STAT1: variants seen among roughly 807,000 people sequenced by gnomAD.
STAT1 encodes signal transducer and activator of transcription 1-alpha/beta.
In STAT1, 24 loss-of-function variants were observed where a neutral mutation model predicts 111.7. The observed-to-expected ratio is 0.21, with a 90% confidence interval of 0.16 to 0.30. The LOEUF is 0.30. Ranked by LOEUF, STAT1 falls within the 10% of genes least tolerant of loss-of-function variation. STAT1 has a pLI of 1.00. For missense variants in STAT1, 351 were observed against 911.9 expected (o/e 0.38, Z 7.92); for synonymous variants, 332 against 326.5 (o/e 1.02, Z -0.18).
At position 191,013,556 on chromosome 2, in the gene STAT1, G is replaced by C. The variant is rs1279334374; in HGVS notation, c.-33C>G. 5.0e-6 allele frequency: 2 copies of C among 398,410 alleles called. No individual in the cohort carries two copies. Among genetic ancestry groups the C allele is most frequent in the African/African-American group, 4.1e-5 (2 of 48,626 alleles). 24.7% of individuals were successfully genotyped at this position (398,410 alleles called of 1,614,324 possible). On this transcript the variant is annotated 5_prime_UTR_variant, in exon 2 of 25. It adds an upstream start codon to the 5' untranslated region. Coordinates refer to ENST00000361099, the MANE Select transcript of STAT1 (RefSeq NM_007315.4). ...CCTTGTGCCCCAACAAGGGCCTGGG[G>C]ATTCAACCAAAGGAGCAGCTACGCA...
intron 24 of STAT1, among the ~76,000 whole-genome samples, chr2:190,972,297 T>C (rs1356783184): frequency 6.6e-6 from 1 of 152,252 alleles, no homozygotes; most frequent in African/African-American, 2.4e-5. Flanking sequence ...CCTATCATTA[T>C]GAGCTTTGGC....
Position 190,995,349 on chromosome 2 carries a change from T to C in STAT1, c.786-130A>G, listed in dbSNP as rs1459983664. On this transcript the variant is annotated intron_variant, in intron 9 of 24. Transcript: ENST00000361099. This position sits in a 1 kb window ranked among gnomAD's most constrained non-coding sequence, Gnocchi z 4.2. ...GACATACTCGAGACTGGAGAATTTA[T>C]AAAGGAAAGAGGTTTAATTGACACA... 3 of 983,844 alleles carry C rather than the reference T, an allele frequency of 3.0e-6. No homozygotes were observed. Among genetic ancestry groups the C allele is most frequent in the African/African-American group, 3.2e-5 (2 of 62,270 alleles). 60.9% of individuals were successfully genotyped at this position (983,844 alleles called of 1,614,324 possible).
Position 191,012,368 on chromosome 2 carries a change from A to G in STAT1, c.-2+1157T>C, listed in dbSNP as rs1489869860. Among the ~76,000 whole-genome samples the G allele has an allele frequency of 6.6e-6, 1 of 151,650 alleles. No individual in the cohort carries two copies. Among genetic ancestry groups the G allele is most frequent in the Non-Finnish European group, 1.5e-5 (1 of 67,936 alleles). On this transcript the variant is annotated intron_variant, in intron 2 of 24. Transcript: ENST00000361099. This position sits in a 1 kb window ranked among gnomAD's most constrained non-coding sequence, Gnocchi z 4.0. ...GAGGCGGAGGTTGCAGTGAGCTGAG[A>G]TCGCGCCACTGTACTCCAGCCTGGG...
At position 190,972,936 on chromosome 2, in the gene STAT1, C is replaced by T. The variant is rs572060200; in HGVS notation, c.2238+1894G>A. Reference sequence around the variant, plus strand: ...AATGGCTACAGCGAGTGTCCAAAGACCACAAAACTGTTTCCTGACATGTGC... The same window carrying T: ...AATGGCTACAGCGAGTGTCCAAAGATCACAAAACTGTTTCCTGACATGTGC... On this transcript the variant is annotated intron_variant, in intron 24 of 24. Transcript: ENST00000361099. Among the ~76,000 whole-genome samples the T allele has an allele frequency of 6.4e-4, 97 of 151,768 alleles. No individual in the cohort carries two copies. The South Asian group carries it at 0.02, about 31-fold the overall frequency.
intron 12 of STAT1, among the ~76,000 whole-genome samples, chr2:190,988,868 G>A (rs1693081435): frequency 7.2e-6 from 1 of 139,038 alleles, no homozygotes; most frequent in South Asian, 2.6e-4. Flanking sequence ...TGCCAAAACA[G>A]TATGTGACAC....
chr2:190,991,095 A>G, intron 11 of STAT1, 133 bp downstream of exon 11: 1 of 729,830 alleles, frequency 1.4e-6, no homozygotes, highest in Non-Finnish European at 2.5e-6. Flanking sequence ...ATTCTCAGTA[A>G]GAGTTCATAT....
chr2:190,985,704 C>A lies in STAT1; in HGVS notation c.1222-44G>T. The A allele has an allele frequency of 3.8e-6, 6 of 1,569,708 alleles. No individual in the cohort carries two copies. The South Asian group carries it at 6.7e-5, about 17-fold the overall frequency. Reference sequence around the variant, plus strand: ...TCTTAGTAAACACCATGGTAATGGTCAAAGTTGCTATCTTCATTTACAAAT... The same window carrying A: ...TCTTAGTAAACACCATGGTAATGGTAAAAGTTGCTATCTTCATTTACAAAT... On this transcript the variant is annotated intron_variant, in intron 14 of 24. Transcript: ENST00000361099.
intron 5 of STAT1, among the ~76,000 whole-genome samples, chr2:191,005,685 C>G (rs1694636828): frequency 6.6e-6 from 1 of 152,178 alleles, no homozygotes; most frequent in Non-Finnish European, 1.5e-5. Context: ...CAGAATGTAT[C>G]TGTGTCATTA....
chr2:190,975,622 T>G lies in STAT1; in HGVS notation c.2135+190A>C, dbSNP rs1691844903. ...TATACCTTAAATACAAATTTGGTTT[T>G]TGGCTTTTTTTTTTTTTTTAAAGTA... is the stretch of plus-strand genomic sequence containing the variant. On this transcript the variant is annotated intron_variant, in intron 23 of 24. Coordinates refer to ENST00000361099, the MANE Select transcript of STAT1 (RefSeq NM_007315.4). This position sits in a 1 kb window ranked among gnomAD's most constrained non-coding sequence, Gnocchi z 5.9. 4.8e-6 allele frequency: 7 copies of G among 1,448,296 alleles called. No individual in the cohort carries two copies. The highest frequency in any genetic ancestry group is 5.4e-6 in the Non-Finnish European group (6 of 1,107,156). The allele number at this position is 1,448,296 out of a possible 1,614,324, so 89.7% of individuals were successfully genotyped here. A position where few individuals can be genotyped will look rare whatever the true frequency, so the allele number is the denominator to read the frequency against.
rs745503798 is a variant in STAT1, at chr2:190,987,044, T to A, written c.1122A>T (p.Val374=). 2.5e-6 allele frequency: 4 copies of A among 1,610,898 alleles called. No homozygotes were observed. The highest frequency in any genetic ancestry group is 1.7e-6 in the Non-Finnish European group (2 of 1,177,618). ...GCGTAAAGTACGTCACGTACCCTTT[T>A]ACTGTATTTCTCTCATTCACATCTC... ...FDKDVNERNT[V]KGFRKFNILG... Residue 374 remains valine (V), a synonymous_variant, in exon 13 of 25, where the codon GTA becomes GTT. Transcript: ENST00000361099. This position sits in a 1 kb window ranked among gnomAD's most constrained non-coding sequence, Gnocchi z 4.0.
rs989723287 is a variant in STAT1, at chr2:190,998,543, T to A, written c.542-235A>T. 9.2e-5 allele frequency among the ~76,000 whole-genome samples: 14 copies of A among 152,102 alleles called. No individual in the cohort carries two copies. The highest frequency in any genetic ancestry group is 2.9e-4 in the African/African-American group (12 of 41,488). ...CGGGCGCAGTGGCAGACGCCTGTAGTCCCAGCTACTCGGGAGGCTGAGGCA... is the reference window on the plus strand; with the variant it reads ...CGGGCGCAGTGGCAGACGCCTGTAGACCCAGCTACTCGGGAGGCTGAGGCA... On this transcript the variant is annotated intron_variant, in intron 7 of 24. Transcript: ENST00000361099. The surrounding 1 kb of genome is among the most constrained non-coding windows in gnomAD (Gnocchi z 4.1).
rs41504347 is a variant in STAT1, at chr2:190,977,287, A to G, written c.1874-262T>C. 5.8e-3 allele frequency among the ~76,000 whole-genome samples: 884 copies of G among 152,332 alleles called. 14 individuals carry two copies. Among genetic ancestry groups the G allele is most frequent in the African/African-American group, 0.019 (780 of 41,592 alleles). ...AGATTTATAAATCTGGGCAAAAAAG[A>G]TTTATTAAAAACCTTTAAAAGCCTG... On this transcript the variant is annotated intron_variant, in intron 21 of 24. Transcript: ENST00000361099. The surrounding 1 kb of genome is among the most constrained non-coding windows in gnomAD (Gnocchi z 4.7).
intron 15 of STAT1, 56 bp downstream of exon 15, chr2:190,985,563 C>T: frequency 6.2e-7 from 1 of 1,600,430 alleles, no homozygotes; most frequent in Non-Finnish European, 8.6e-7. Flanking sequence ...CTGACCTGTC[C>T]TTGCTAGACA....
Position 190,988,641 on chromosome 2 carries a change from AG to A in STAT1, c.1097+973del, listed in dbSNP as rs45487697. Reference sequence around the variant, plus strand: ...TGATCTGCCTGCCTTGGCCTCCCAAAGTGCTGGGATTACAGGTGTGAGCCAC... The same window carrying A: ...TGATCTGCCTGCCTTGGCCTCCCAAATGCTGGGATTACAGGTGTGAGCCAC... On this transcript the variant is annotated intron_variant, in intron 12 of 24. Transcript: ENST00000361099. 3.3e-3 allele frequency among the ~76,000 whole-genome samples: 497 copies of A among 152,266 alleles called. 6 individuals are homozygous for A. The highest frequency in any genetic ancestry group is 0.011 in the African/African-American group (473 of 41,538).
chr2:191,007,257 G>C lies in STAT1; in HGVS notation c.372+306C>G, dbSNP rs1367376724. On this transcript the variant is annotated intron_variant, in intron 5 of 24. Coordinates refer to ENST00000361099, the MANE Select transcript of STAT1 (RefSeq NM_007315.4). This position sits in a 1 kb window ranked among gnomAD's most constrained non-coding sequence, Gnocchi z 4.2. ...CAACTCAGAGGCCTTTCCTGACCCT[G>C]ATCTAAAGGAACAACCCCACTCCCA... Among the ~76,000 whole-genome samples the C allele has an allele frequency of 6.6e-6, 1 of 152,040 alleles. No homozygotes were observed. The highest frequency in any genetic ancestry group is 1.5e-5 in the Non-Finnish European group (1 of 68,018).
rs1559017192 is a variant in STAT1, at chr2:190,994,959, A to ATATAT, written c.944+101_944+102insATATA. ...ATATATATATATATATATATATATA[A>ATATAT]AAAACACCTATTAAACCCTTGTAAA... On this transcript the variant is annotated intron_variant, in intron 10 of 24. Transcript: ENST00000361099. 6.2e-4 allele frequency: 285 copies of ATATAT among 461,550 alleles called. 10 individuals carry two copies. Among genetic ancestry groups the ATATAT allele is most frequent in the African/African-American group, 6.0e-3 (221 of 36,580 alleles). 28.6% of individuals were successfully genotyped at this position (461,550 alleles called of 1,614,324 possible). A position where few individuals can be genotyped will look rare whatever the true frequency, so the allele number is the denominator to read the frequency against.
intron 2 of STAT1, among the ~76,000 whole-genome samples, chr2:191,011,976 C>T (rs1487979447): frequency 6.6e-6 from 1 of 151,936 alleles, no homozygotes; most frequent in Non-Finnish European, 1.5e-5. Context: ...GTCTCAAACA[C>T]CTGACCTCAG....
At position 190,974,589 on chromosome 2, in the gene STAT1, A is replaced by G. The variant is rs1691754778; in HGVS notation, c.2238+241T>C. On this transcript the variant is annotated intron_variant, in intron 24 of 24. Transcript: ENST00000361099. This position sits in a 1 kb window ranked among gnomAD's most constrained non-coding sequence, Gnocchi z 4.8. The stretch of plus-strand genomic sequence containing the variant: ...AAAGGGGAGAGGAGGAAACCTGAAT[A>G]TTAGAAATGTCACTTGTTTTTTGGA... Among the ~76,000 whole-genome samples the G allele has an allele frequency of 6.6e-6, 1 of 152,248 alleles. No homozygotes were observed. Among genetic ancestry groups the G allele is most frequent in the African/African-American group, 2.4e-5 (1 of 41,466 alleles).
Position 190,975,672 on chromosome 2 carries a change from C to A in STAT1, c.2135+140G>T, listed in dbSNP as rs566136866. On this transcript the variant is annotated intron_variant, in intron 23 of 24. Transcript: ENST00000361099. This position sits in a 1 kb window ranked among gnomAD's most constrained non-coding sequence, Gnocchi z 5.9. ...AGTAAAATGCTGATAGGCAGTAACA[C>A]GGGGATCTCAACAAGTTCAGCTGTG... 2.0e-6 allele frequency: 3 copies of A among 1,509,686 alleles called. No homozygotes were observed. The highest frequency in any genetic ancestry group is 2.1e-5 in the Admixed American group (1 of 48,098). 93.5% of individuals were successfully genotyped at this position (1,509,686 alleles called of 1,614,324 possible). A position where few individuals can be genotyped will look rare whatever the true frequency, so the allele number is the denominator to read the frequency against.
Sources: allele counts gnomAD v4.1 joint callset (sites outside exome capture counted in the v4.1 genomes callset), GRCh38; gene constraint gnomAD v4.1.1; non-coding constraint Gnocchi (gnomAD v3.1); transcripts MANE v1.5; gene names NCBI Gene and HGNC (gene_info 2026-07-23, HGNC 2026-07-21).